The following MTHFD1L variants were observed in gnomAD, a reference collection of about 807,000 sequenced individuals.
The protein encoded by MTHFD1L is monofunctional C1-tetrahydrofolate synthase, mitochondrial.
A neutral mutation model predicts 119.5 loss-of-function variants in MTHFD1L; 81 were observed. The observed-to-expected ratio is 0.68, with a 90% CI of 0.57 to 0.82. The LOEUF is 0.82. Ranked by LOEUF, MTHFD1L falls within the 40% of genes least tolerant of loss-of-function variation. The pLI is 0.00. For synonymous variants in MTHFD1L, 430 were observed against 475.2 expected (o/e 0.90, Z 1.24); for missense variants, 1,125 against 1,253.4 (o/e 0.90, Z 1.55).
chr6:150,866,621 C>T, intron 1 of MTHFD1L: 3 of 1,212,132 alleles, frequency 2.5e-6, no homozygotes, highest in Non-Finnish European at 3.1e-6. Flanking sequence ...GTCCGCTTTT[C>T]CCGGAACGGC....
intron 24 of MTHFD1L, among the ~76,000 whole-genome samples, chr6:151,028,683 C>T: frequency 6.6e-6 from 1 of 152,266 alleles, no homozygotes; most frequent in African/African-American, 2.4e-5. Flanking sequence ...TTAATGGGTA[C>T]AGTTTCAGTT....
chr6:150,915,540 G>A (rs565453317), intron 8 of MTHFD1L, among the ~76,000 whole-genome samples: 1 of 152,260 alleles, frequency 6.6e-6, no homozygotes, highest in East Asian at 1.9e-4. Flanking sequence ...TTAAATTCTG[G>A]AAATATGCAT....
chr6:151,023,010 A>G (rs564166801), intron 24 of MTHFD1L, among the ~76,000 whole-genome samples: 1 of 125,988 alleles, frequency 7.9e-6, no homozygotes, highest in South Asian at 2.7e-4. Flanking sequence ...TGCTTTTTTT[A>G]TGTTTTTTTG....
intron 26 of MTHFD1L, among the ~76,000 whole-genome samples, chr6:151,086,647 C>T (rs1793835849): frequency 1.3e-5 from 2 of 152,080 alleles, no homozygotes; most frequent in Non-Finnish European, 2.9e-5. Flanking sequence ...CCCACCTCAG[C>T]CCCCTAAGTA....
intron 21 of MTHFD1L, among the ~76,000 whole-genome samples, chr6:151,012,364 A>G (rs1256799705): frequency 2.0e-5 from 3 of 151,716 alleles, no homozygotes; most frequent in Admixed American, 2.0e-4. Flanking sequence ...ATGATTATTC[A>G]TTTCTACTTC....
At chr6:150,927,455 CTTTTT>C (rs543783528) in intron 11 of MTHFD1L, among the ~76,000 whole-genome samples, 2 of 125,076 alleles carry the variant, frequency 1.6e-5, no homozygotes, top group Non-Finnish European at 1.6e-5. Flanking sequence ...ATCCCAGATT[CTTTTT>C]TTTTTTTTTT....
At chr6:151,003,462 G>A (rs1780911549) in intron 20 of MTHFD1L, among the ~76,000 whole-genome samples, 1 of 152,122 alleles carries the variant, frequency 6.6e-6, no homozygotes, top group African/African-American at 2.4e-5. Context: ...AACCTGGAGG[G>A]CGGAGGTTGC....
chr6:150,966,682 T>C lies in MTHFD1L; in HGVS notation c.2013+1645T>C, dbSNP rs151169907. Among the ~76,000 whole-genome samples, 1,278 of 152,202 alleles carry C rather than the reference T, an allele frequency of 8.4e-3. 15 individuals carry two copies. The highest frequency in any genetic ancestry group is 0.029 in the African/African-American group (1,197 of 41,510). ...TACTAAAAATACAAAATAAATTAGC[T>C]GGGCATGGTGGCACGTGCCTGAAAT... On this transcript the variant is annotated intron_variant, in intron 19 of 27. Coordinates refer to ENST00000367321, the MANE Select transcript of MTHFD1L (RefSeq NM_015440.5).
intron 26 of MTHFD1L, 25 bp from the exon 27 acceptor site, chr6:151,092,442 T>G (rs1456468254): frequency 6.3e-7 from 1 of 1,588,570 alleles, no homozygotes; most frequent in Admixed American, 1.8e-5. Context: ...TTTGCTAATC[T>G]GTAACGCTTG....
intron 24 of MTHFD1L, among the ~76,000 whole-genome samples, chr6:151,018,599 TC>T (rs1176440490): frequency 6.6e-6 from 1 of 152,162 alleles, no homozygotes; most frequent in Non-Finnish European, 1.5e-5. Flanking sequence ...AGAAAGAATA[TC>T]CAGATGGTTG....
chr6:151,097,150 A>T lies in MTHFD1L; in HGVS notation c.*32-4376A>T, dbSNP rs114612061. On this transcript the variant is annotated intron_variant, in intron 27 of 27. Transcript: ENST00000367321. The stretch of plus-strand genomic sequence containing the variant: ...TGGCAAGATTCATTCAAATGAACAC[A>T]CAATAAAGTCTGGCAAATTTCCTGA... 7.5e-3 allele frequency among the ~76,000 whole-genome samples: 1,137 copies of T among 152,318 alleles called. 20 individuals carry two copies. The highest frequency in any genetic ancestry group is 0.026 in the African/African-American group (1,077 of 41,564).
intron 11 of MTHFD1L, chr6:150,935,489 C>G: frequency 6.3e-7 from 1 of 1,595,692 alleles, no homozygotes; most frequent in Non-Finnish European, 8.5e-7. Flanking sequence ...AGGAGATGGC[C>G]TAAAGGAAGG....
intron 8 of MTHFD1L, among the ~76,000 whole-genome samples, chr6:150,917,430 C>T (rs1044153628): frequency 4.6e-5 from 7 of 151,712 alleles, no homozygotes; most frequent in Non-Finnish European, 4.4e-5. Context: ...GTGGAGGTTG[C>T]GGTGAGCTGA....
chr6:150,997,626 A>T, intron 20 of MTHFD1L, among the ~76,000 whole-genome samples: 1 of 151,686 alleles, frequency 6.6e-6, no homozygotes, highest in Non-Finnish European at 1.5e-5. Flanking sequence ...CCATCTCTAC[A>T]AAAAAAATAC....
intron 24 of MTHFD1L, among the ~76,000 whole-genome samples, chr6:151,025,338 G>T (rs1025302253): frequency 3.9e-5 from 6 of 152,218 alleles, no homozygotes; most frequent in Non-Finnish European, 7.3e-5. Flanking sequence ...GGGGCCTGTT[G>T]TTCTCAGTAA....
intron 27 of MTHFD1L, among the ~76,000 whole-genome samples, chr6:151,101,003 A>G (rs1460912389): frequency 6.6e-6 from 1 of 151,950 alleles, no homozygotes; most frequent in East Asian, 1.9e-4. Context: ...TACTAAAAAT[A>G]CAAAAATTAG....
Position 151,079,154 on chromosome 6 carries a change from T to A in MTHFD1L, c.2848-13313T>A, listed in dbSNP as rs1792866257. 3.3e-5 allele frequency among the ~76,000 whole-genome samples: 5 copies of A among 152,032 alleles called. No individual in the cohort carries two copies. The South Asian group carries it at 1.0e-3, about 32-fold the overall frequency. On this transcript the variant is annotated intron_variant, in intron 26 of 27. Coordinates refer to ENST00000367321, the MANE Select transcript of MTHFD1L (RefSeq NM_015440.5). Reference sequence around the variant, plus strand: ...ACAGGAGTGTAATCAATAAATCAGATGGCCTTGCTGTGAACGGTTACATAG... The same window carrying A: ...ACAGGAGTGTAATCAATAAATCAGAAGGCCTTGCTGTGAACGGTTACATAG...
intron 1 of MTHFD1L, among the ~76,000 whole-genome samples, chr6:150,875,586 T>A (rs2128739526): frequency 6.6e-6 from 1 of 152,220 alleles, no homozygotes; most frequent in Middle Eastern, 3.4e-3. Flanking sequence ...ATTCCTTCTT[T>A]AAATTCCAGG....
intron 27 of MTHFD1L, among the ~76,000 whole-genome samples, chr6:151,094,458 G>A (rs1009263584): frequency 3.9e-5 from 6 of 152,176 alleles, no homozygotes; most frequent in African/African-American, 1.4e-4. Context: ...CGCCTCCCGG[G>A]TTCAAGCAAT....
Sources: allele counts gnomAD v4.1 joint callset (sites outside exome capture counted in the v4.1 genomes callset), GRCh38; gene constraint gnomAD v4.1.1; transcripts MANE v1.5; gene names NCBI Gene and HGNC (gene_info 2026-07-23, HGNC 2026-07-21).